SLC22A23: variants seen among roughly 807,000 people sequenced by gnomAD.
SLC22A23 encodes the protein ion transporter protein.
SLC22A23 carries 26 observed loss-of-function variants against 61.0 expected under a neutral mutation model. The observed-to-expected ratio is 0.43, with a 90% CI of 0.31 to 0.59. SLC22A23 has a LOEUF of 0.59. Ranked by LOEUF, SLC22A23 falls within the 20% of genes least tolerant of loss-of-function variation. SLC22A23 has a pLI of 0.11. For synonymous variants in SLC22A23, 430 were observed against 413.9 expected (o/e 1.04, Z -0.47); for missense variants, 796 against 934.7 (o/e 0.85, Z 1.94).
rs1284619317 is a variant in SLC22A23, at chr6:3,355,176, C to A, written c.914-31174G>T. Among the ~76,000 whole-genome samples the A allele has an allele frequency of 2.0e-5, 3 of 151,418 alleles. No individual in the cohort carries two copies. The South Asian group carries it at 6.3e-4, about 32-fold the overall frequency. ...GCTCCCTGTCTTTGTGGCCGCCACC[C>A]TCCCCAGCTAAAAAAAAAAAAGTCT... On this transcript the variant is annotated intron_variant, in intron 3 of 9. Coordinates refer to ENST00000406686, the MANE Select transcript of SLC22A23 (RefSeq NM_015482.2).
intron 3 of SLC22A23, among the ~76,000 whole-genome samples, chr6:3,395,445 G>A (rs1481883029): frequency 6.6e-6 from 1 of 152,240 alleles, no homozygotes; most frequent in Non-Finnish European, 1.5e-5. Context: ...TTAGCAAGAA[G>A]AGTAATAGGA....
intron 3 of SLC22A23, among the ~76,000 whole-genome samples, chr6:3,365,681 C>T (rs1765762966): frequency 6.6e-6 from 1 of 152,142 alleles, no homozygotes; most frequent in Admixed American, 6.5e-5. Flanking sequence ...GAGAATCCTA[C>T]TAAAAAATAT....
chr6:3,398,454 ATTTT>A (rs1219591163), intron 3 of SLC22A23, among the ~76,000 whole-genome samples: 24 of 127,244 alleles, frequency 1.9e-4, no homozygotes, highest in Admixed American at 1.2e-3. Flanking sequence ...ACAAAGCACT[ATTTT>A]TTTTTTTTTT....
At chr6:3,433,704 A>G (rs777137505) in intron 1 of SLC22A23, among the ~76,000 whole-genome samples, 1 of 152,210 alleles carries the variant, frequency 6.6e-6, no homozygotes, top group Non-Finnish European at 1.5e-5. Flanking sequence ...CTACCCATGC[A>G]GTGGAATATG....
At chr6:3,370,076 T>C (rs1395087009) in intron 3 of SLC22A23, among the ~76,000 whole-genome samples, 2 of 152,212 alleles carry the variant, frequency 1.3e-5, no homozygotes, top group South Asian at 2.1e-4. Flanking sequence ...TCGGCTACAA[T>C]AGACTTTGCT....
intron 3 of SLC22A23, among the ~76,000 whole-genome samples, chr6:3,396,184 T>C (rs1014436961): frequency 6.6e-6 from 1 of 152,152 alleles, no homozygotes; most frequent in Non-Finnish European, 1.5e-5. Context: ...GCATGGTCCC[T>C]GGCTAGGGCT....
intron 3 of SLC22A23, among the ~76,000 whole-genome samples, chr6:3,389,663 C>G (rs183142005): frequency 6.6e-6 from 1 of 152,338 alleles, no homozygotes; most frequent in African/African-American, 2.4e-5. Flanking sequence ...CCATGAAGCC[C>G]TAAACTCCTC....
chr6:3,388,257 A>G (rs983758722), intron 3 of SLC22A23, among the ~76,000 whole-genome samples: 16 of 152,238 alleles, frequency 1.1e-4, no homozygotes, highest in African/African-American at 3.9e-4. Flanking sequence ...CAGAGCTCAC[A>G]TACTTCCTCA....
intron 3 of SLC22A23, among the ~76,000 whole-genome samples, chr6:3,345,592 T>C (rs1764389337): frequency 6.6e-6 from 1 of 152,106 alleles, no homozygotes. Context: ...CTCAAACTCC[T>C]GACCTCAGGT....
At chr6:3,365,096 A>G (rs1765718866) in intron 3 of SLC22A23, among the ~76,000 whole-genome samples, 1 of 152,222 alleles carries the variant, frequency 6.6e-6, no homozygotes, top group African/African-American at 2.4e-5. Flanking sequence ...AGGCAGGCAG[A>G]TTACCTGAGG....
chr6:3,282,367 A>G, intron 9 of SLC22A23: 2 of 699,094 alleles, frequency 2.9e-6, no homozygotes, highest in South Asian at 1.5e-5. Flanking sequence ...TTAATCATAC[A>G]ATGCCTTGGC....
chr6:3,403,938 G>T (rs1012988689), intron 3 of SLC22A23, among the ~76,000 whole-genome samples: 1 of 152,166 alleles, frequency 6.6e-6, no homozygotes, highest in Non-Finnish European at 1.5e-5. Flanking sequence ...AATCTGTCAC[G>T]GTCACCGTCA....
chr6:3,445,383 G>C (rs1327939112), intron 1 of SLC22A23, among the ~76,000 whole-genome samples: 2 of 152,172 alleles, frequency 1.3e-5, no homozygotes, highest in African/African-American at 4.8e-5. Context: ...ATTTTTAGTA[G>C]AGACCAGGGT....
At chr6:3,288,607 G>A (rs1760275837) in intron 6 of SLC22A23, among the ~76,000 whole-genome samples, 1 of 152,238 alleles carries the variant, frequency 6.6e-6, no homozygotes, top group African/African-American at 2.4e-5. Flanking sequence ...GAGCCAGAGA[G>A]CTCGGTTCCC....
At chr6:3,374,321 C>T (rs559918397) in intron 3 of SLC22A23, among the ~76,000 whole-genome samples, 17 of 152,282 alleles carry the variant, frequency 1.1e-4, no homozygotes, top group East Asian at 5.8e-4. Flanking sequence ...GGTGAGCGGT[C>T]GGACGCCAGC....
intron 3 of SLC22A23, among the ~76,000 whole-genome samples, chr6:3,391,635 C>T (rs540340978): frequency 6.6e-6 from 1 of 152,230 alleles, no homozygotes; most frequent in South Asian, 2.1e-4. Context: ...AGAGCAAGAA[C>T]AATAAGGACC....
At chr6:3,421,579 A>T (rs1249222361) in intron 1 of SLC22A23, among the ~76,000 whole-genome samples, 2 of 152,202 alleles carry the variant, frequency 1.3e-5, no homozygotes, top group Non-Finnish European at 2.9e-5. Context: ...AATATTCCAA[A>T]ATATTTTAAA....
Position 3,271,423 on chromosome 6 carries a change from A to C in SLC22A23, c.*1632T>G, listed in dbSNP as rs1215781498. 2.6e-5 allele frequency: 4 copies of C among 152,354 alleles called. No individual in the cohort carries two copies. Among genetic ancestry groups the C allele is most frequent in the Non-Finnish European group, 5.9e-5 (4 of 68,070 alleles). The allele number at this position is 152,354 out of a possible 1,614,324, so 9.4% of individuals were successfully genotyped here. A position where few individuals can be genotyped will look rare whatever the true frequency, so the allele number is the denominator to read the frequency against. On this transcript the variant is annotated 3_prime_UTR_variant, in exon 10 of 10. Transcript: ENST00000406686. ...TTACTGATGTGTGGACCGCATGTGG[A>C]GGAGACATGAGTGGCGACAGCAAGC...
intron 1 of SLC22A23, among the ~76,000 whole-genome samples, chr6:3,445,488 C>G (rs1771848630): frequency 6.6e-6 from 1 of 152,252 alleles, no homozygotes; most frequent in Non-Finnish European, 1.5e-5. Context: ...GCATGAGCCA[C>G]TGTGCCCGGC....
Sources: allele counts gnomAD v4.1 joint callset (sites outside exome capture counted in the v4.1 genomes callset), GRCh38; gene constraint gnomAD v4.1.1; transcripts MANE v1.5; gene names NCBI Gene and HGNC (gene_info 2026-07-23, HGNC 2026-07-21).